Variants in MAEL observed in about 807,000 individuals in gnomAD.
The protein encoded by MAEL is protein maelstrom homolog.
Under a neutral mutation model 62.0 loss-of-function variants are expected in MAEL, and 46 were observed. That is an observed-to-expected ratio of 0.74 (90% CI 0.59 to 0.95). The LOEUF is 0.95. MAEL is among the 40% of genes least tolerant of loss of function. The pLI is 0.00. For missense variants in MAEL, 497 were observed against 526.8 expected (o/e 0.94, Z 0.55); for synonymous variants, 172 against 175.5 (o/e 0.98, Z 0.16).
chr1:167,004,681 CTTTG>C, intron 6 of MAEL, among the ~76,000 whole-genome samples: 1 of 152,218 alleles, frequency 6.6e-6, no homozygotes, highest in South Asian at 2.1e-4. Context: ...TCCCTTCCTT[CTTTG>C]TTTGTAATAT....
intron 3 of MAEL, 62 bp from the exon 4 acceptor site, chr1:166,992,624 T>G: frequency 7.9e-7 from 1 of 1,273,706 alleles, no homozygotes; most frequent in East Asian, 2.6e-5. Flanking sequence ...TAAAGAGGCT[T>G]TTGTGGAAGA....
upstream of MAEL, among the ~76,000 whole-genome samples, chr1:166,984,152 G>A (rs1377346090): frequency 6.6e-6 from 1 of 152,086 alleles, no homozygotes; most frequent in Admixed American, 6.5e-5. Flanking sequence ...AGTGCCCATG[G>A]GTTACTCAAG....
Position 167,006,619 on chromosome 1 carries a change from A to ATG in MAEL, c.845+1223_845+1224insGT, listed in dbSNP as rs1407136881. 2.3e-3 allele frequency among the ~76,000 whole-genome samples: 191 copies of ATG among 83,584 alleles called. 4 individuals are homozygous for ATG. Among genetic ancestry groups the ATG allele is most frequent in the African/African-American group, 9.8e-3 (188 of 19,188 alleles). The allele number at this position is 83,584 out of a possible 152,430, so 54.8% of individuals were successfully genotyped here. A position where few individuals can be genotyped will look rare whatever the true frequency, so the allele number is the denominator to read the frequency against. On this transcript the variant is annotated intron_variant, in intron 8 of 11. Transcript: ENST00000367872. Reference sequence around the variant, plus strand: ...TTTTTTACTATATATATATATATATATATATATATATATATATACATTTTT... The same window carrying ATG: ...TTTTTTACTATATATATATATATATATGTATATATATATATATATACATTTTT...
At chr1:166,991,705 A>T (rs542767164) in intron 3 of MAEL, among the ~76,000 whole-genome samples, 25 of 152,102 alleles carry the variant, frequency 1.6e-4, no homozygotes, top group African/African-American at 6.0e-4. Context: ...CTACCACTTT[A>T]TATGTTGTTA....
intron 8 of MAEL, chr1:167,005,644 C>T (rs1456108714): frequency 7.0e-6 from 2 of 285,436 alleles, no homozygotes; most frequent in Non-Finnish European, 6.4e-6. Flanking sequence ...AGAGAATATC[C>T]CTAAATTTAT....
chr1:167,005,496 A>G, intron 8 of MAEL, 99 bp downstream of exon 8: 2 of 1,014,154 alleles, frequency 2.0e-6, no homozygotes, highest in Non-Finnish European at 2.9e-6. Flanking sequence ...ATATTTTCCC[A>G]TGAAAGCTTG....
Position 167,017,807 on chromosome 1 carries a change from G to C in MAEL, c.909-20G>C. On this transcript the variant is annotated intron_variant, in intron 9 of 11. Transcript: ENST00000367872. ...GAATTAAATTAGATTCTGATAGTGA[G>C]ATTTTTATTTCTTTTAAAGGTACTG... 1 of 1,585,726 alleles carries C rather than the reference G, an allele frequency of 6.3e-7. No homozygotes were observed. Among genetic ancestry groups the C allele is most frequent in the East Asian group, 2.2e-5 (1 of 44,530 alleles).
intron 1 of MAEL, chr1:166,975,780 C>A (rs765190527): frequency 1.3e-5 from 2 of 152,052 alleles, no homozygotes; most frequent in Non-Finnish European, 2.9e-5. Flanking sequence ...GCGACCATCG[C>A]GGCTTCTCCC....
intron 9 of MAEL, among the ~76,000 whole-genome samples, chr1:167,017,042 G>A (rs1401119334): frequency 2.0e-5 from 3 of 152,148 alleles, no homozygotes; most frequent in African/African-American, 7.2e-5. Flanking sequence ...ACAAAAAATG[G>A]TTTGAATGAA....
chr1:167,021,055 T>C, intron 10 of MAEL, 30 bp from the exon 11 acceptor site: 3 of 1,507,870 alleles, frequency 2.0e-6, no homozygotes, highest in Non-Finnish European at 2.8e-6. Flanking sequence ...ATAAACATTT[T>C]TCCCCCTGGT....
At chr1:166,996,741 G>T (rs1664442817) in intron 5 of MAEL, among the ~76,000 whole-genome samples, 1 of 152,172 alleles carries the variant, frequency 6.6e-6, no homozygotes, top group Non-Finnish European at 1.5e-5. Flanking sequence ...TTGTTTAAAT[G>T]ATGTGTTTAA....
chr1:167,016,681 C>T (rs909101989), intron 9 of MAEL, among the ~76,000 whole-genome samples: 19 of 152,114 alleles, frequency 1.2e-4, no homozygotes, highest in African/African-American at 4.6e-4. Context: ...TATCTACACT[C>T]CCATGTTTGT....
chr1:166,991,569 C>T, intron 3 of MAEL, 92 bp downstream of exon 3: 1 of 766,592 alleles, frequency 1.3e-6, no homozygotes, highest in Non-Finnish European at 2.3e-6. Flanking sequence ...CATTTTGATC[C>T]TCCGTTTCAA....
intron 5 of MAEL, among the ~76,000 whole-genome samples, chr1:167,002,064 A>C (rs1054140251): frequency 6.6e-6 from 1 of 152,218 alleles, no homozygotes; most frequent in African/African-American, 2.4e-5. Context: ...TACAGGCGTG[A>C]GCCACTGTGC....
At chr1:167,021,298 T>C (rs1665619759) in intron 11 of MAEL, 138 bp downstream of exon 11, 1 of 667,366 alleles carries the variant, frequency 1.5e-6, no homozygotes, top group African/African-American at 1.8e-5. Context: ...GGGTTTTATT[T>C]GGCATTAGCA....
At chr1:166,986,719 G>A (rs1432004085), upstream of MAEL, among the ~76,000 whole-genome samples, 1 of 151,994 alleles carries the variant, frequency 6.6e-6, no homozygotes, top group African/African-American at 2.4e-5. Flanking sequence ...ATTGAACAAA[G>A]CTTTTTATTC....
Position 167,016,289 on chromosome 1 carries a change from GT to G in MAEL, c.908+7del. ...AGCTGTTTGCAAGAAGATTGCGTAAGTTGGGGAAAGGAGTTTCTTCATAATA... is the reference window on the plus strand; with the variant it reads ...AGCTGTTTGCAAGAAGATTGCGTAAGTGGGGAAAGGAGTTTCTTCATAATA... On this transcript the variant is annotated splice_donor_region_variant and intron_variant, in intron 9 of 11. Coordinates refer to ENST00000367872, the MANE Select transcript of MAEL (RefSeq NM_032858.3). 1.2e-6 allele frequency: 2 copies of G among 1,613,006 alleles called. No individual in the cohort carries two copies. The highest frequency in any genetic ancestry group is 1.7e-6 in the Non-Finnish European group (2 of 1,179,230).
At chr1:167,001,102 G>A (rs2102089411) in intron 5 of MAEL, among the ~76,000 whole-genome samples, 1 of 152,322 alleles carries the variant, frequency 6.6e-6, no homozygotes, top group African/African-American at 2.4e-5. Flanking sequence ...ATGAGTTGAT[G>A]GCATTCGCAG....
chr1:167,011,911 C>G (rs1665185332), intron 8 of MAEL, among the ~76,000 whole-genome samples: 1 of 152,148 alleles, frequency 6.6e-6, no homozygotes, highest in South Asian at 2.1e-4. Flanking sequence ...TAGCTATACT[C>G]TACAACAAGA....
Sources: allele counts gnomAD v4.1 joint callset (sites outside exome capture counted in the v4.1 genomes callset), GRCh38; gene constraint gnomAD v4.1.1; transcripts MANE v1.5; gene names NCBI Gene and HGNC (gene_info 2026-07-23, HGNC 2026-07-21).